The following GLB1L2 variants were observed in gnomAD, a reference collection of about 807,000 sequenced individuals.
GLB1L2 encodes beta-galactosidase-1-like protein 2.
GLB1L2 carries 68 observed loss-of-function variants against 84.1 expected under a neutral mutation model. The ratio of observed to expected loss-of-function variants is 0.81; its 90% CI spans 0.67 to 0.99. The LOEUF (loss-of-function observed/expected upper bound fraction) is 0.99, where lower values mean the gene tolerates loss of function less well. Ranked by LOEUF, GLB1L2 falls within the 50% of genes least tolerant of loss-of-function variation. The pLI is 0.00. For missense variants in GLB1L2, 762 were observed against 805.6 expected, an observed-to-expected ratio of 0.95 and a Z score of 0.66; for synonymous variants, 290 against 318.0, an observed-to-expected ratio of 0.91 and a Z score of 0.94.
rs1944019653 is a variant in GLB1L2, at chr11:134,376,130, C to T, written c.*1072C>T. ...GCAGAAGCCATGGCCCATGTCTGCA[C>T]ATCCAGGGAGGAGGACAGAAGGCCC... is the stretch of plus-strand genomic sequence containing the variant. On this transcript the variant is annotated 3_prime_UTR_variant, in exon 19 of 19. Coordinates refer to ENST00000535456, the MANE Select transcript of GLB1L2 (RefSeq NM_001370461.1). 2 of 152,110 alleles carry T rather than the reference C, an allele frequency of 1.3e-5. No homozygotes were observed. The highest frequency in any genetic ancestry group is 1.3e-4 in the Admixed American group (2 of 15,262). 9.4% of individuals were successfully genotyped at this position (152,110 alleles called of 1,614,324 possible).
At chr11:134,364,244 G>T in intron 7 of GLB1L2, 84 bp from the exon 8 acceptor site, 1 of 1,020,746 alleles carries the variant, frequency 9.8e-7, no homozygotes, top group South Asian at 1.5e-5. Context: ...TGTGCTGGTG[G>T]ATTGAGAAGG....
chr11:134,363,144 G>A (rs1050657063), intron 7 of GLB1L2, among the ~76,000 whole-genome samples: 2 of 152,204 alleles, frequency 1.3e-5, no homozygotes, highest in East Asian at 1.9e-4. Flanking sequence ...TGGCTTGAGG[G>A]GAGGGGTCTG....
chr11:134,376,291 C>G lies in GLB1L2; in HGVS notation c.*1233C>G, dbSNP rs1735961448. ...CAACACCTGGCTTGGGCTCACTGTC[C>G]TGAGTTGCAGTAAAGCTATAACCTT... On this transcript the variant is annotated 3_prime_UTR_variant, in exon 19 of 19. Transcript: ENST00000535456. 1.3e-5 allele frequency: 2 copies of G among 152,346 alleles called. No homozygotes were observed. The highest frequency in any genetic ancestry group is 1.3e-4 in the Admixed American group (2 of 15,290). The allele number at this position is 152,346 out of a possible 1,614,324, so 9.4% of individuals were successfully genotyped here.
chr11:134,369,895 AG>A lies in GLB1L2; in HGVS notation c.1108+11del. The A allele has an allele frequency of 6.2e-7, 1 of 1,612,238 alleles. No homozygotes were observed. Among genetic ancestry groups the A allele is most frequent in the Non-Finnish European group, 8.5e-7 (1 of 1,178,412 alleles). On this transcript the variant is annotated intron_variant, in intron 11 of 18. Coordinates refer to ENST00000535456, the MANE Select transcript of GLB1L2 (RefSeq NM_001370461.1). ...TTCGGCTCCATCTCAGGTACCCAGC[AG>A]ACAGCAGACTCAAGTTCCAACTCAG...
chr11:134,347,639 C>T (rs897027285), intron 5 of GLB1L2, among the ~76,000 whole-genome samples: 5 of 152,192 alleles, frequency 3.3e-5, no homozygotes, highest in East Asian at 1.9e-4. Flanking sequence ...CACTTGGGTG[C>T]GTTACTGAAA....
rs1007681261 is a variant in GLB1L2, at chr11:134,339,069, G to A, written c.87-3685G>A. ...AACATAAGCTCCAGTTCAAAAGAAGGCAGGTGTTCCTGGTTTCATCAGATA... is the reference window on the plus strand; with the variant it reads ...AACATAAGCTCCAGTTCAAAAGAAGACAGGTGTTCCTGGTTTCATCAGATA... On this transcript the variant is annotated intron_variant, in intron 1 of 18. Transcript: ENST00000535456. The surrounding 1 kb of genome is among the most constrained non-coding windows in gnomAD (Gnocchi z 5.7). 3.3e-5 allele frequency among the ~76,000 whole-genome samples: 5 copies of A among 152,320 alleles called. 1 individual carries two copies. Among genetic ancestry groups the A allele is most frequent in the Non-Finnish European group, 5.9e-5 (4 of 68,026 alleles).
intron 6 of GLB1L2, among the ~76,000 whole-genome samples, chr11:134,356,924 T>C (rs1237917931): frequency 6.6e-6 from 1 of 152,232 alleles, no homozygotes; most frequent in African/African-American, 2.4e-5. Flanking sequence ...CTGCTTTCTG[T>C]CCCTTAGTAG....
intron 5 of GLB1L2, chr11:134,356,069 T>C (rs1376286695): frequency 2.9e-5 from 19 of 647,168 alleles, no homozygotes. Context: ...GACACTTAAA[T>C]GGTTTCCAGA....
intron 15 of GLB1L2, among the ~76,000 whole-genome samples, chr11:134,372,929 G>T (rs1943976474): frequency 6.6e-6 from 1 of 152,212 alleles, no homozygotes; most frequent in Non-Finnish European, 1.5e-5. Flanking sequence ...GTTGGAAGGA[G>T]CACCAGCCTG....
At chr11:134,335,321 T>C (rs1282731458) in intron 1 of GLB1L2, among the ~76,000 whole-genome samples, 1 of 151,970 alleles carries the variant, frequency 6.6e-6, no homozygotes. Context: ...GGGAGGTAAT[T>C]GATTTTATGG....
chr11:134,332,592 G>A (rs1943318567), intron 1 of GLB1L2, among the ~76,000 whole-genome samples: 1 of 152,168 alleles, frequency 6.6e-6, no homozygotes, highest in African/African-American at 2.4e-5. Context: ...GCAGAGGCCG[G>A]CGCTTCAGCC....
chr11:134,362,284 A>T (rs1943803643), intron 7 of GLB1L2, among the ~76,000 whole-genome samples: 1 of 151,664 alleles, frequency 6.6e-6, no homozygotes, highest in Non-Finnish European at 1.5e-5. Context: ...CTCCGAGGGT[A>T]GTTTGCTTTT....
intron 5 of GLB1L2, chr11:134,355,924 G>A (rs543361750): frequency 1.6e-5 from 7 of 444,016 alleles, no homozygotes; most frequent in Non-Finnish European, 2.7e-5. Flanking sequence ...ATGAGGGAGC[G>A]GGGAGTTGGG....
intron 7 of GLB1L2, chr11:134,360,073 G>T (rs1165290734): frequency 1.3e-5 from 2 of 152,360 alleles, no homozygotes; most frequent in Non-Finnish European, 2.9e-5. Flanking sequence ...TCTTGGCGGG[G>T]CTTGGGCTTT....
In GLB1L2 at chr11:134,338,127, C is replaced by T. The variant is rs530473389; in HGVS notation, c.87-4627C>T. On this transcript the variant is annotated intron_variant, in intron 1 of 18. Transcript: ENST00000535456. The surrounding 1 kb of genome is among the most constrained non-coding windows in gnomAD (Gnocchi z 6.2). The stretch of plus-strand genomic sequence containing the variant: ...GCGGTCATCGTACTCCGGATGTTCA[C>T]GGCACTCCGGATGTTCTGCTGTGCC... Among the ~76,000 whole-genome samples the T allele has an allele frequency of 1.3e-5, 2 of 148,252 alleles. No individual in the cohort carries two copies. Among genetic ancestry groups the T allele is most frequent in the African/African-American group, 2.6e-5 (1 of 37,848 alleles).
chr11:134,372,625 C>A (rs1480871569), intron 15 of GLB1L2: 1 of 152,236 alleles, frequency 6.6e-6, no homozygotes, highest in East Asian at 1.9e-4. Context: ...GAACTCAGAA[C>A]AAAATGAATG....
chr11:134,369,937 C>G, intron 11 of GLB1L2, 52 bp downstream of exon 11: 1 of 1,470,800 alleles, frequency 6.8e-7, no homozygotes, highest in Non-Finnish European at 9.5e-7. Flanking sequence ...CGCTTCTGCT[C>G]TCAGACCCCT....
intron 6 of GLB1L2, among the ~76,000 whole-genome samples, chr11:134,358,844 C>G (rs934459056): frequency 2.6e-5 from 4 of 152,268 alleles, no homozygotes; most frequent in Admixed American, 1.3e-4. Flanking sequence ...GTTTGCCAGC[C>G]CTGCCCCTGC....
intron 4 of GLB1L2, chr11:134,346,986 T>C (rs1943560509): frequency 3.9e-6 from 1 of 258,102 alleles, no homozygotes; most frequent in Admixed American, 4.6e-5. Context: ...TTGACTTCAC[T>C]TTTTGAAATG....
Sources: allele counts gnomAD v4.1 joint callset (sites outside exome capture counted in the v4.1 genomes callset), GRCh38; gene constraint gnomAD v4.1.1; non-coding constraint Gnocchi (gnomAD v3.1); transcripts MANE v1.5; gene names NCBI Gene and HGNC (gene_info 2026-07-23, HGNC 2026-07-21).